DTD1: variants seen among roughly 807,000 people sequenced by gnomAD.
DTD1 encodes D-aminoacyl-tRNA deacylase 1.
Under a neutral mutation model 25.6 loss-of-function variants are expected in DTD1, and 13 were observed. That is an observed-to-expected ratio of 0.51 (90% confidence interval 0.33 to 0.81). DTD1 has a LOEUF of 0.81. DTD1 is among the 30% of genes least tolerant of loss of function. The pLI is 0.02. For synonymous variants in DTD1, 110 were observed against 103.6 expected, an observed-to-expected ratio of 1.06 and a Z score of -0.37; for missense variants, 193 against 266.4, an observed-to-expected ratio of 0.72 and a Z score of 1.92.
intron 4 of DTD1, 133 bp from the exon 5 acceptor site, chr20:18,743,967 G>C: frequency 1.1e-6 from 1 of 890,748 alleles, no homozygotes; most frequent in Non-Finnish European, 1.7e-6. Flanking sequence ...TGGTATATCT[G>C]AACCACTGTG....
chr20:18,707,985 G>A (rs1452458138), intron 4 of DTD1, among the ~76,000 whole-genome samples: 1 of 150,788 alleles, frequency 6.6e-6, no homozygotes, highest in Non-Finnish European at 1.5e-5. Flanking sequence ...CTCCATGAGT[G>A]GGCGGGGCTT....
chr20:18,722,089 T>G (rs1267140606), intron 4 of DTD1, among the ~76,000 whole-genome samples: 2 of 152,238 alleles, frequency 1.3e-5, no homozygotes, highest in Admixed American at 1.3e-4. Flanking sequence ...GTGGCTGGAC[T>G]CCTCAGGCCC....
chr20:18,588,229 G>A (rs1036690890), intron 1 of DTD1, 114 bp downstream of exon 1: 2 of 1,026,166 alleles, frequency 1.9e-6, no homozygotes, highest in Admixed American at 4.4e-5. Flanking sequence ...CCCTCCGCGA[G>A]CCTGGTCCCC....
intron 4 of DTD1, among the ~76,000 whole-genome samples, chr20:18,736,870 A>G (rs896505165): frequency 1.3e-5 from 2 of 152,070 alleles, no homozygotes; most frequent in Non-Finnish European, 2.9e-5. Flanking sequence ...TCTTGCAAAC[A>G]AAACCTGTCC....
At chr20:18,619,581 C>T (rs958395531) in intron 3 of DTD1, among the ~76,000 whole-genome samples, 14 of 152,164 alleles carry the variant, frequency 9.2e-5, no homozygotes, top group Middle Eastern at 3.4e-3. Flanking sequence ...CACACCGCCA[C>T]GCCTGGCTAA....
At chr20:18,588,794 C>T in intron 1 of DTD1, 1 of 985,280 alleles carries the variant, frequency 1.0e-6, no homozygotes. Flanking sequence ...CTACCCGACC[C>T]CTGGTCATCA....
At chr20:18,589,301 A>C (rs2122234540) in intron 1 of DTD1, among the ~76,000 whole-genome samples, 1 of 152,286 alleles carries the variant, frequency 6.6e-6, no homozygotes, top group South Asian at 2.1e-4. Context: ...CAGTGAGCCG[A>C]GATTGTGCCA....
chr20:18,688,999 G>A (rs1220339661), intron 4 of DTD1, among the ~76,000 whole-genome samples: 1 of 152,110 alleles, frequency 6.6e-6, no homozygotes, highest in Non-Finnish European at 1.5e-5. Flanking sequence ...AATATGATGG[G>A]AATTGAAATT....
At chr20:18,653,319 G>C (rs769844279) in intron 4 of DTD1, among the ~76,000 whole-genome samples, 1 of 152,154 alleles carries the variant, frequency 6.6e-6, no homozygotes, top group Non-Finnish European at 1.5e-5. Context: ...ATCTGAGCGT[G>C]GGAGGTTGAG....
intron 4 of DTD1, among the ~76,000 whole-genome samples, chr20:18,721,318 TGTGGCCACATG>T (rs967413055): frequency 3.9e-4 from 59 of 152,228 alleles, no homozygotes; most frequent in African/African-American, 1.4e-3. Context: ...CATTTGTTCA[TGTGGCCACATG>T]GTCCTCCTCC....
intron 4 of DTD1, among the ~76,000 whole-genome samples, chr20:18,668,449 A>G (rs1408406832): frequency 6.6e-6 from 1 of 152,192 alleles, no homozygotes; most frequent in Non-Finnish European, 1.5e-5. Flanking sequence ...GTAATGCTGA[A>G]GAATGGCAGC....
intron 4 of DTD1, among the ~76,000 whole-genome samples, chr20:18,705,667 C>T (rs753035735): frequency 1.3e-5 from 2 of 151,880 alleles, no homozygotes; most frequent in Non-Finnish European, 2.9e-5. Flanking sequence ...ATGAGCTGGA[C>T]GGAAGTGATT....
chr20:18,705,168 G>A (rs1204469889), intron 4 of DTD1, among the ~76,000 whole-genome samples: 1 of 152,158 alleles, frequency 6.6e-6, no homozygotes, highest in Non-Finnish European at 1.5e-5. Flanking sequence ...CAGTATTGGT[G>A]CTGTTTTAAG....
Position 18,588,941 on chromosome 20 carries a change from C to G in DTD1, c.43+826C>G, listed in dbSNP as rs983888467. The G allele has an allele frequency of 9.0e-6, 8 of 892,060 alleles. No homozygotes were observed. The African/African-American group carries it at 1.1e-4, about 12-fold the overall frequency. The allele number at this position is 892,060 out of a possible 1,614,324, so 55.3% of individuals were successfully genotyped here. A position where few individuals can be genotyped will look rare whatever the true frequency, so the allele number is the denominator to read the frequency against. On this transcript the variant is annotated intron_variant, in intron 1 of 5. Coordinates refer to ENST00000377452, the MANE Select transcript of DTD1 (RefSeq NM_080820.6). ...TGACAAGCTTTATATTGTCTTTAGTCTTTTCTGTCTTTATTGGCACAACTA... is the reference window on the plus strand; with the variant it reads ...TGACAAGCTTTATATTGTCTTTAGTGTTTTCTGTCTTTATTGGCACAACTA...
chr20:18,619,045 A>G (rs545406324), intron 3 of DTD1, among the ~76,000 whole-genome samples: 4 of 151,186 alleles, frequency 2.6e-5, no homozygotes, highest in East Asian at 2.0e-4. Context: ...AGGTCTCACT[A>G]TGTTGCCCAG....
chr20:18,685,541 G>A (rs1039869377), intron 4 of DTD1, among the ~76,000 whole-genome samples: 16 of 152,272 alleles, frequency 1.1e-4, no homozygotes, highest in Non-Finnish European at 1.0e-4. Flanking sequence ...TGAGCCCTGC[G>A]CCTCGCTCCA....
chr20:18,639,182 G>T (rs73902825), intron 4 of DTD1, among the ~76,000 whole-genome samples: 2 of 118,234 alleles, frequency 1.7e-5, no homozygotes, highest in African/African-American at 3.3e-5. Flanking sequence ...TTTTTTTTAA[G>T]AAAAAAAAAA....
At chr20:18,591,367 A>G (rs1456964989) in intron 1 of DTD1, among the ~76,000 whole-genome samples, 2 of 152,204 alleles carry the variant, frequency 1.3e-5, no homozygotes, top group South Asian at 2.1e-4. Context: ...CTACACTGTT[A>G]TTTACTGAGG....
intron 4 of DTD1, among the ~76,000 whole-genome samples, chr20:18,719,186 T>A (rs1403122781): frequency 1.3e-5 from 2 of 152,174 alleles, no homozygotes; most frequent in Admixed American, 6.5e-5. Flanking sequence ...TTGAATAATC[T>A]TGTAAGTTGG....
Sources: allele counts gnomAD v4.1 joint callset (sites outside exome capture counted in the v4.1 genomes callset), GRCh38; gene constraint gnomAD v4.1.1; transcripts MANE v1.5; gene names NCBI Gene and HGNC (gene_info 2026-07-23, HGNC 2026-07-21).